PADI3: variants seen among roughly 807,000 people sequenced by gnomAD.
PADI3 encodes peptidyl arginine deiminase 3, also known as protein-arginine deiminase type-3.
A neutral mutation model predicts 71.5 loss-of-function variants in PADI3; 53 were observed. That is an observed-to-expected ratio of 0.74 (90% confidence interval 0.59 to 0.93). The LOEUF is 0.93. Among genes scored for constraint, PADI3 ranks in the 40% least tolerant of loss-of-function variants. The pLI is 0.00. For missense variants in PADI3, 821 were observed against 868.0 expected (o/e 0.95, Z 0.68); for synonymous variants, 361 against 347.5 (o/e 1.04, Z -0.43).
In PADI3 at chr1:17,249,168, C is replaced by T. The variant is rs754634778; in HGVS notation, c.31C>T (p.Leu11=). The T allele has an allele frequency of 6.2e-7, 1 of 1,614,186 alleles. No individual in the cohort carries two copies. Among genetic ancestry groups the T allele is most frequent in the Admixed American group, 1.7e-5 (1 of 60,020 alleles). The change falls in exon 1 of 16, where the codon CTG becomes TTG. Residue 11 remains leucine, a synonymous_variant. Transcript: ENST00000375460. ...GCTGCAGAGAATCGTGCGTGTGTCC[C>T]TGGAGCATCCCACCAGCGCGGTGTG... is the stretch of plus-strand genomic sequence containing the variant. MSLQRIVRVS[L]EHPTSAVCVA...
chr1:17,268,098 C>A, intron 6 of PADI3, 136 bp downstream of exon 6: 1 of 933,870 alleles, frequency 1.1e-6, no homozygotes, highest in Non-Finnish European at 1.7e-6. Flanking sequence ...TGGCGGGTCG[C>A]AGTAAGAACA....
intron 14 of PADI3, 100 bp from the exon 15 acceptor site, chr1:17,280,571 T>C (rs1036999273): frequency 1.3e-6 from 2 of 1,571,162 alleles, no homozygotes; most frequent in East Asian, 4.5e-5. Flanking sequence ...CCCAACACCC[T>C]CTTTTGACCC....
At chr1:17,280,875 C>T (rs999725190) in intron 15 of PADI3, 79 bp downstream of exon 15, 1 of 1,552,306 alleles carries the variant, frequency 6.4e-7, no homozygotes, top group South Asian at 1.2e-5. Flanking sequence ...TGTCTGGTCA[C>T]AGTCATATTT....
At chr1:17,273,929 G>A (rs2073290360) in intron 10 of PADI3, among the ~76,000 whole-genome samples, 1 of 152,184 alleles carries the variant, frequency 6.6e-6, no homozygotes, top group Non-Finnish European at 1.5e-5. Context: ...AGGGGTTTGT[G>A]AAGCATCTCA....
At chr1:17,258,183 T>C (rs2073051709) in intron 1 of PADI3, among the ~76,000 whole-genome samples, 1 of 152,230 alleles carries the variant, frequency 6.6e-6, no homozygotes, top group Non-Finnish European at 1.5e-5. Context: ...TGTCAGTCAC[T>C]GTTATCCCCC....
At chr1:17,264,560 A>C (rs552155177) in intron 3 of PADI3, among the ~76,000 whole-genome samples, 1 of 152,298 alleles carries the variant, frequency 6.6e-6, no homozygotes, top group South Asian at 2.1e-4. Context: ...TCTTGAACGC[A>C]ATACCCAAAT....
At chr1:17,260,515 C>CAG (rs1238279652) in intron 2 of PADI3, among the ~76,000 whole-genome samples, 4 of 152,150 alleles carry the variant, frequency 2.6e-5, no homozygotes, top group African/African-American at 7.2e-5. Context: ...CACAGCAGCC[C>CAG]AGAGAGGTGG....
chr1:17,281,860 G>A (rs1427693248), intron 15 of PADI3, among the ~76,000 whole-genome samples: 1 of 152,186 alleles, frequency 6.6e-6, no homozygotes, highest in Non-Finnish European at 1.5e-5. Context: ...CTGCTGCCGC[G>A]CTAACAAACA....
chr1:17,262,586 G>T (rs1158715177), intron 3 of PADI3, among the ~76,000 whole-genome samples: 2 of 152,106 alleles, frequency 1.3e-5, no homozygotes, highest in African/African-American at 4.8e-5. Flanking sequence ...TAGTGGAAAA[G>T]GTAGACAATA....
intron 6 of PADI3, among the ~76,000 whole-genome samples, chr1:17,268,886 C>CT (rs34487635): frequency 0.074 from 9,827 of 132,564 alleles, 470 homozygotes; most frequent in African/African-American, 0.13. Context: ...CTAAATCTGA[C>CT]TTTTTTTTTT....
intron 1 of PADI3, among the ~76,000 whole-genome samples, chr1:17,251,680 C>T (rs1569872928): frequency 6.6e-6 from 1 of 152,322 alleles, no homozygotes; most frequent in East Asian, 1.9e-4. Context: ...CCAGTTTGGC[C>T]TTACTTCAAA....
chr1:17,265,679 C>T lies in PADI3; in HGVS notation c.367C>T (p.Leu123=). The T allele has an allele frequency of 6.2e-7, 1 of 1,614,186 alleles. No homozygotes were observed. The highest frequency in any genetic ancestry group is 8.5e-7 in the Non-Finnish European group (1 of 1,180,016). The stretch of plus-strand genomic sequence containing the variant: ...TGCAGACATCTCTCTGGATTGCGAC[C>T]TGAACTGTGAGGGAAGGCAGGACAG... ...TCVDISLDCD[L]NCEGRQDRNF... is the part of the protein sequence containing the mutation. Residue 123 remains leucine (L), a synonymous_variant, in exon 4 of 16, where the codon CTG becomes TTG. Coordinates refer to ENST00000375460, the MANE Select transcript of PADI3 (RefSeq NM_016233.2).
In PADI3 at chr1:17,280,364, A is replaced by T. The variant is rs762467446; in HGVS notation, c.1570A>T (p.Lys524Ter). 1.2e-6 allele frequency: 2 copies of T among 1,613,822 alleles called. No individual in the cohort carries two copies. The highest frequency in any genetic ancestry group is 1.7e-6 in the Non-Finnish European group (2 of 1,179,688). ...CTCCTTCACAGATGATGAGCAGGTC[A>T]AGACCATCTCCATCAACCAGGTGCT... ...FQGVVDDEQVKTISINQVLSN... is the reference protein window; with the variant it reads ...FQGVVDDEQV Residue 524 changes from lysine to a stop codon, truncating the protein, a stop_gained, in exon 14 of 16, where the codon AAG (lysine) becomes TAG (stop). Coordinates refer to ENST00000375460, the MANE Select transcript of PADI3 (RefSeq NM_016233.2). LOFTEE classifies it high-confidence loss of function.
chr1:17,256,567 G>C (rs549428970), intron 1 of PADI3, among the ~76,000 whole-genome samples: 1 of 152,236 alleles, frequency 6.6e-6, no homozygotes, highest in Non-Finnish European at 1.5e-5. Context: ...CTCACACAGA[G>C]CCTGGCACAT....
intron 4 of PADI3, 142 bp from the exon 5 acceptor site, chr1:17,266,577 C>A: frequency 1.4e-6 from 1 of 704,352 alleles, no homozygotes; most frequent in Non-Finnish European, 2.6e-6. Context: ...TTGCCATTGA[C>A]ATGTCTTGAG....
chr1:17,264,424 A>G (rs942136914), intron 3 of PADI3, among the ~76,000 whole-genome samples: 3 of 152,104 alleles, frequency 2.0e-5, no homozygotes, highest in African/African-American at 7.2e-5. Context: ...TAGCCCAAGA[A>G]ATGAAACACT....
intron 10 of PADI3, among the ~76,000 whole-genome samples, chr1:17,274,036 T>G (rs374776271): frequency 6.6e-6 from 1 of 152,202 alleles, no homozygotes; most frequent in Non-Finnish European, 1.5e-5. Context: ...AGGTGATGAT[T>G]GCTAACGAGG....
rs764504407 is a variant in PADI3, at chr1:17,282,799, G to A, written c.1762-47G>A. 1.9e-5 allele frequency: 27 copies of A among 1,411,604 alleles called. No individual in the cohort carries two copies. In the African/African-American group the frequency reaches 3.7e-4, roughly 19 times the overall value. The allele number at this position is 1,411,604 out of a possible 1,614,324, so 87.4% of individuals were successfully genotyped here. ...GGTCCTGCAGGTAGAGTAGAGGTGT[G>A]GGGTGGGAGCCCAGTGATGAAGTGC... is the stretch of plus-strand genomic sequence containing the variant. On this transcript the variant is annotated intron_variant, in intron 15 of 15. Coordinates refer to ENST00000375460, the MANE Select transcript of PADI3 (RefSeq NM_016233.2).
At position 17,282,828 on chromosome 1, in the gene PADI3, T is replaced by G. The variant is rs747827057; in HGVS notation, c.1762-18T>G. 1.8e-5 allele frequency: 28 copies of G among 1,585,348 alleles called. 1 individual carries two copies. The South Asian group carries it at 3.2e-4, about 18-fold the overall frequency. ...TGGGAGCCCAGTGATGAAGTGCTGCTTCCCCTTTGGACTGCAGGTGAACAT... is the reference window on the plus strand; with the variant it reads ...TGGGAGCCCAGTGATGAAGTGCTGCGTCCCCTTTGGACTGCAGGTGAACAT... On this transcript the variant is annotated intron_variant, in intron 15 of 15. Coordinates refer to ENST00000375460, the MANE Select transcript of PADI3 (RefSeq NM_016233.2).
Sources: gnomAD v4.1 joint callset for allele counts (sites outside exome capture counted in the v4.1 genomes callset) on GRCh38, gnomAD v4.1.1 for gene constraint, MANE v1.5 for transcripts, NCBI Gene and HGNC (gene_info 2026-07-23, HGNC 2026-07-21) for gene names.